RANBP2: variants seen among roughly 807,000 people sequenced by gnomAD.
RANBP2 encodes E3 SUMO-protein ligase RanBP2.
A neutral mutation model predicts 303.6 loss-of-function variants in RANBP2; 57 were observed. The ratio of observed to expected loss-of-function variants is 0.19; its 90% CI spans 0.15 to 0.23. The LOEUF (loss-of-function observed/expected upper bound fraction) is 0.23. Ranked by LOEUF, RANBP2 falls within the 10% of genes least tolerant of loss-of-function variation. The pLI is 1.00. For synonymous variants in RANBP2, 1,167 were observed against 1,301.5 expected, an observed-to-expected ratio of 0.90 and a Z score of 2.23; for missense variants, 3,138 against 3,780.8, an observed-to-expected ratio of 0.83 and a Z score of 4.46.
chr2:109,145,189 C>T, the RANBP2 span, among the ~76,000 whole-genome samples: 1 of 152,206 alleles, frequency 6.6e-6, no homozygotes, highest in Non-Finnish European at 1.5e-5. Context: ...CTTTCTGCTG[C>T]TTCTGAGACA....
chr2:109,106,797 A>T, the RANBP2 span, among the ~76,000 whole-genome samples: 1 of 152,070 alleles, frequency 6.6e-6, no homozygotes, highest in Non-Finnish European at 1.5e-5. Flanking sequence ...AGATCGCACC[A>T]CTGCACTCCA....
chr2:109,312,004 T>C, the RANBP2 span, among the ~76,000 whole-genome samples: 2,643 of 152,086 alleles, frequency 0.017, 204 homozygotes, highest in East Asian at 0.18. Flanking sequence ...CTGCTGGTGC[T>C]GTCCAGTTTT....
chr2:108,888,722 T>C, the RANBP2 span, among the ~76,000 whole-genome samples: 1 of 151,970 alleles, frequency 6.6e-6, no homozygotes, highest in Non-Finnish European at 1.5e-5. Flanking sequence ...GCTAACCGTG[T>C]ATCAATTTTT....
chr2:109,057,754 C>G, the RANBP2 span, among the ~76,000 whole-genome samples: 1 of 152,224 alleles, frequency 6.6e-6, no homozygotes, highest in East Asian at 1.9e-4. Flanking sequence ...AGCACCCCAC[C>G]TCTTCCTTCG....
chr2:109,382,336 G>T, the RANBP2 span, among the ~76,000 whole-genome samples: 1 of 152,104 alleles, frequency 6.6e-6, no homozygotes, highest in South Asian at 2.1e-4. Flanking sequence ...GCCCAGCCCA[G>T]GGGAGAGTCT....
the RANBP2 span, among the ~76,000 whole-genome samples, chr2:109,629,302 GAT>G: frequency 4.5e-4 from 35 of 77,678 alleles, no homozygotes; most frequent in Admixed American, 1.1e-3. Flanking sequence ...CTGGCCTAAA[GAT>G]ATATATATAT....
At chr2:109,644,946 C>A in the RANBP2 span, among the ~76,000 whole-genome samples, 2 of 152,252 alleles carry the variant, frequency 1.3e-5, no homozygotes, top group Admixed American at 1.3e-4. Flanking sequence ...GGGACGTTTC[C>A]CTAGTTGGTT....
At chr2:109,458,175 G>A in the RANBP2 span, among the ~76,000 whole-genome samples, 2 of 152,166 alleles carry the variant, frequency 1.3e-5, no homozygotes, top group African/African-American at 4.8e-5. Context: ...GATAAGCTAT[G>A]TGCTTGCTTA....
chr2:109,175,698 G>C, the RANBP2 span, among the ~76,000 whole-genome samples: 1 of 152,082 alleles, frequency 6.6e-6, no homozygotes, highest in African/African-American at 2.4e-5. Flanking sequence ...CTCAACTAAG[G>C]GACTTTTCTA....
the RANBP2 span, among the ~76,000 whole-genome samples, chr2:109,562,233 T>A: frequency 4.6e-5 from 7 of 151,544 alleles, no homozygotes; most frequent in Non-Finnish European, 8.8e-5. Flanking sequence ...ATAATAATAA[T>A]AAAATTAAAT....
the RANBP2 span, among the ~76,000 whole-genome samples, chr2:109,652,853 T>C: frequency 6.6e-6 from 1 of 152,188 alleles, no homozygotes; most frequent in African/African-American, 2.4e-5. Context: ...CATTGATATA[T>C]ATTTAGTGTT....
At chr2:108,738,628 CTT>C (rs373620543) in intron 6 of RANBP2, among the ~76,000 whole-genome samples, 23 of 136,562 alleles carry the variant, frequency 1.7e-4, no homozygotes, top group Admixed American at 1.5e-4. Context: ...ATAATAATAG[CTT>C]TTTTTTTTTT....
the RANBP2 span, among the ~76,000 whole-genome samples, chr2:109,132,723 A>T: frequency 6.6e-6 from 1 of 152,310 alleles, no homozygotes; most frequent in South Asian, 2.1e-4. Context: ...TAACCCTTGC[A>T]GTTGCTAATG....
the RANBP2 span, among the ~76,000 whole-genome samples, chr2:108,844,486 C>G: frequency 1.3e-5 from 2 of 152,086 alleles, no homozygotes; most frequent in Non-Finnish European, 2.9e-5. Flanking sequence ...TTTGTCATGG[C>G]TACTTTAGAA....
At chr2:109,078,200 ATATATATAGCG>A in the RANBP2 span, among the ~76,000 whole-genome samples, 6 of 76,848 alleles carry the variant, frequency 7.8e-5, no homozygotes, top group African/African-American at 1.9e-4. Flanking sequence ...TATATAGCGT[ATATATATAGCG>A]TATATATATA....
the RANBP2 span, among the ~76,000 whole-genome samples, chr2:109,195,706 A>AT: frequency 3.4e-4 from 51 of 151,838 alleles, no homozygotes; most frequent in East Asian, 2.5e-3. Context: ...TGCTATTTTT[A>AT]TTTTTTTTGG....
intron 20 of RANBP2, among the ~76,000 whole-genome samples, chr2:108,770,339 A>G (rs1287183209): frequency 2.6e-5 from 4 of 152,040 alleles, no homozygotes; most frequent in South Asian, 2.1e-4. Flanking sequence ...TCCTAGCTAG[A>G]AAATGATACT....
the RANBP2 span, chr2:109,614,838 C>G: frequency 7.1e-7 from 1 of 1,417,366 alleles, no homozygotes; most frequent in East Asian, 3.1e-5. Context: ...GGCGCGCGAT[C>G]GGCTCCCCGA....
chr2:109,611,445 A>G, the RANBP2 span, among the ~76,000 whole-genome samples: 1 of 152,172 alleles, frequency 6.6e-6, no homozygotes, highest in Admixed American at 6.5e-5. Flanking sequence ...AAAGGACTGG[A>G]ATCTAGTATA....
Sources: allele counts gnomAD v4.1 joint callset (sites outside exome capture counted in the v4.1 genomes callset), GRCh38; gene constraint gnomAD v4.1.1; transcripts MANE v1.5; gene names NCBI Gene and HGNC (gene_info 2026-07-23, HGNC 2026-07-21).